The following GNE variants were observed in gnomAD, a reference collection of about 807,000 sequenced individuals.
GNE encodes glucosamine (UDP-N-acetyl)-2-epimerase/N-acetylmannosamine kinase.
Under a neutral mutation model 61.8 loss-of-function variants are expected in GNE, and 41 were observed. The ratio of observed to expected loss-of-function variants is 0.66; its 90% CI spans 0.52 to 0.86. GNE has a LOEUF of 0.86. GNE is among the 40% of genes least tolerant of loss of function. GNE has a pLI of 0.00. For missense variants in GNE, 608 were observed against 909.1 expected, an observed-to-expected ratio of 0.67 and a Z score of 4.26; for synonymous variants, 264 against 326.4, an observed-to-expected ratio of 0.81 and a Z score of 2.06.
At chr9:36,245,911 C>G in intron 3 of GNE, 120 bp downstream of exon 3, 1 of 775,700 alleles carries the variant, frequency 1.3e-6, no homozygotes, top group Non-Finnish European at 2.1e-6. Flanking sequence ...GAACTAAAAC[C>G]TTGGCCTTCT....
intron 3 of GNE, among the ~76,000 whole-genome samples, chr9:36,244,488 C>T (rs1256987805): frequency 6.6e-6 from 1 of 152,092 alleles, no homozygotes; most frequent in Non-Finnish European, 1.5e-5. Context: ...AATTTTGGAA[C>T]ATAGGGCTTA....
At chr9:36,245,996 C>G (rs1829854085) in intron 3 of GNE, 35 bp downstream of exon 3, 1 of 1,479,058 alleles carries the variant, frequency 6.8e-7, no homozygotes, top group Non-Finnish European at 9.4e-7. Flanking sequence ...CTGACAAAAA[C>G]AGCCATTAGA....
intron 7 of GNE, among the ~76,000 whole-genome samples, chr9:36,223,791 GCCC>G (rs1355303805): frequency 1.3e-5 from 2 of 148,770 alleles, no homozygotes; most frequent in Non-Finnish European, 3.0e-5. Context: ...TCGCTCTGTT[GCCC>G]AGGCTGGAGC....
At chr9:36,239,541 C>T (rs1041223434) in intron 3 of GNE, among the ~76,000 whole-genome samples, 2 of 151,778 alleles carry the variant, frequency 1.3e-5, no homozygotes, top group African/African-American at 2.4e-5. Flanking sequence ...GGTGCGATCT[C>T]GGCTCACTGC....
At chr9:36,269,863 T>C (rs1348934179) in intron 1 of GNE, among the ~76,000 whole-genome samples, 3 of 152,144 alleles carry the variant, frequency 2.0e-5, no homozygotes, top group Non-Finnish European at 4.4e-5. Flanking sequence ...GGTTTCACCA[T>C]ATTGGCCAGG....
intron 1 of GNE, among the ~76,000 whole-genome samples, chr9:36,256,933 G>A (rs1275460017): frequency 1.3e-5 from 2 of 152,172 alleles, no homozygotes; most frequent in African/African-American, 2.4e-5. Flanking sequence ...TTGGCCAGGC[G>A]CGGTGGCTGA....
At chr9:36,260,227 G>C (rs530408018), upstream of GNE, among the ~76,000 whole-genome samples, 1 of 150,336 alleles carries the variant, frequency 6.7e-6, no homozygotes, top group Non-Finnish European at 1.5e-5. Context: ...GCAACAGTGA[G>C]CTCGATCAAA....
At chr9:36,273,882 G>T (rs963174185) in intron 1 of GNE, among the ~76,000 whole-genome samples, 1 of 151,220 alleles carries the variant, frequency 6.6e-6, no homozygotes, top group African/African-American at 2.4e-5. Context: ...CGATCCACCC[G>T]CCTCGGCCCC....
At position 36,246,500 on chromosome 9, in the gene GNE, T is replaced by C. The variant is rs374105190; in HGVS notation, c.165-18A>G. On this transcript the variant is annotated intron_variant, in intron 2 of 11. Coordinates refer to ENST00000642385, the MANE Select transcript of GNE (RefSeq NM_005476.7). Reference sequence around the variant, plus strand: ...ATGTATTTCTAAAGCCGGGGAGAAATAAAGATATAAGAACATGTTCTTAAA... The same window carrying C: ...ATGTATTTCTAAAGCCGGGGAGAAACAAAGATATAAGAACATGTTCTTAAA... 6.5e-4 allele frequency: 1,029 copies of C among 1,577,904 alleles called. No homozygotes were observed. Among genetic ancestry groups the C allele is most frequent in the Non-Finnish European group, 8.4e-4 (964 of 1,149,870 alleles).
At chr9:36,273,405 C>T (rs945087166) in intron 1 of GNE, among the ~76,000 whole-genome samples, 13 of 151,614 alleles carry the variant, frequency 8.6e-5, no homozygotes, top group African/African-American at 1.7e-4. Flanking sequence ...TTAGTAGAGA[C>T]GGGGTTTCGA....
rs1482972274 is a variant in GNE at position 36,246,400 on chromosome 9, C to T, written c.247G>A (p.Ala83Thr). ...GCCAGGCCTACTGACTCCACCATGG[C>T]TGCCTCATCTTCTCCCCTCACAATT... ...HTIVRGEDEA[A>T]MVESVGLALV... Residue 83 changes from alanine to threonine, a missense_variant, in exon 3 of 12, where the codon GCC (alanine) becomes ACC (threonine). By Grantham distance (58) the Ala-to-Thr change is moderately conservative (BLOSUM62 0). Coordinates refer to ENST00000642385, the MANE Select transcript of GNE (RefSeq NM_005476.7). The T allele has an allele frequency of 6.2e-7, 1 of 1,613,736 alleles. No homozygotes were observed. The highest frequency in any genetic ancestry group is 1.7e-5 in the Admixed American group (1 of 59,998).
At chr9:36,261,922 C>CAA (rs34856029), upstream of GNE, among the ~76,000 whole-genome samples, 698 of 129,962 alleles carry the variant, frequency 5.4e-3, 6 homozygotes, top group African/African-American at 0.018. Context: ...GACTCAATCT[C>CAA]AAAAAAAAAA....
At chr9:36,264,013 G>C (rs989852219) in intron 1 of GNE, among the ~76,000 whole-genome samples, 23 of 152,332 alleles carry the variant, frequency 1.5e-4, no homozygotes, top group Admixed American at 2.0e-4. Flanking sequence ...ATAGCTGTGA[G>C]AGGTAGCACA....
At chr9:36,232,917 G>T (rs1052911808) in intron 5 of GNE, among the ~76,000 whole-genome samples, 1 of 152,186 alleles carries the variant, frequency 6.6e-6, no homozygotes. Context: ...GAATTTGAAA[G>T]AATTTCCATC....
Position 36,222,920 on chromosome 9 carries a change from G to A in GNE, c.1490C>T (p.Ser497Phe). The stretch of plus-strand genomic sequence containing the variant: ...AGAAAGGGGGGTCCTAAGGTCCACA[G>A]AGTTCCACTCTTGGATCAGTTTGGT... ...HSTKLIQEWN[S>F]VDLRTPLSDT... is the part of the protein sequence containing the mutation. The change falls in exon 9 of 12, where the codon TCT becomes TTT. Residue 497 changes from serine (S) to phenylalanine (F), a missense_variant. Coordinates refer to ENST00000642385, the MANE Select transcript of GNE (RefSeq NM_005476.7). The A allele has an allele frequency of 6.2e-7, 1 of 1,614,136 alleles. No homozygotes were observed.
At position 36,219,860 on chromosome 9, in the gene GNE, C is replaced by CCT. The variant is rs1436850036; in HGVS notation, c.1792_1793dup (p.Glu599GlyfsTer45). 9.9e-6 allele frequency: 16 copies of CCT among 1,613,978 alleles called. No homozygotes were observed. The highest frequency in any genetic ancestry group is 1.3e-5 in the Non-Finnish European group (15 of 1,179,988). Reference sequence around the variant, plus strand: ...AACCATCATGGAGCTTTTTTGCCTCCCTCTGCAAGGCCATTCCAGAGGCGT... The same window carrying CCT: ...AACCATCATGGAGCTTTTTTGCCTCCCTCTCTGCAAGGCCATTCCAGAGGCGT... On this transcript the variant is annotated frameshift_variant, in exon 10 of 12. Transcript: ENST00000642385. LOFTEE classifies it high-confidence loss of function.
At chr9:36,241,928 G>C (rs1484222188) in intron 3 of GNE, among the ~76,000 whole-genome samples, 2 of 152,032 alleles carry the variant, frequency 1.3e-5, no homozygotes, top group Non-Finnish European at 2.9e-5. Flanking sequence ...CTGAGGTCAG[G>C]AGTTCGAGAC....
Position 36,251,986 on chromosome 9 carries a change from C to CTTT in GNE, c.-42-2592_-42-2590dup, listed in dbSNP as rs34737463. Among the ~76,000 whole-genome samples, 44 of 134,160 alleles carry CTTT rather than the reference C, an allele frequency of 3.3e-4. 1 individual carries two copies. Among genetic ancestry groups the CTTT allele is most frequent in the Non-Finnish European group, 3.9e-4 (25 of 63,884 alleles). 88.0% of individuals were successfully genotyped at this position (134,160 alleles called of 152,430 possible). A position where few individuals can be genotyped will look rare whatever the true frequency, so the allele number is the denominator to read the frequency against. ...TCAGAAGACCCAAGCACTATCTGAT[C>CTTT]TTTTTTTTTTTTTTTTTGAGACAGA... On this transcript the variant is annotated intron_variant, in intron 1 of 11. Transcript: ENST00000642385.
At chr9:36,240,378 T>C (rs1829586364) in intron 3 of GNE, among the ~76,000 whole-genome samples, 1 of 152,262 alleles carries the variant, frequency 6.6e-6, no homozygotes, top group Non-Finnish European at 1.5e-5. Flanking sequence ...AAAGGGATGC[T>C]GGATTTTGTT....
Sources: allele counts gnomAD v4.1 joint callset (sites outside exome capture counted in the v4.1 genomes callset), GRCh38; gene constraint gnomAD v4.1.1; transcripts MANE v1.5; gene names NCBI Gene and HGNC (gene_info 2026-07-23, HGNC 2026-07-21).